Variants in GNAS observed in about 807,000 individuals in gnomAD.
GNAS encodes the protein protein ALEX.
In GNAS, 8 loss-of-function variants were observed where a neutral mutation model predicts 54.5. The observed-to-expected ratio is 0.15, with a 90% CI of 0.09 to 0.26. GNAS has a LOEUF of 0.26. Ranked by LOEUF, GNAS falls within the 10% of genes least tolerant of loss-of-function variation. GNAS has a pLI of 1.00. For synonymous variants in GNAS, 204 were observed against 191.4 expected (o/e 1.07, Z -0.54); for missense variants, 170 against 529.8 (o/e 0.32, Z 6.67).
At chr20:58,876,218 G>A (rs543802466) in intron 1 of GNAS, among the ~76,000 whole-genome samples, 4 of 152,262 alleles carry the variant, frequency 2.6e-5, no homozygotes, top group South Asian at 2.1e-4. Flanking sequence ...TCTGAGATGC[G>A]TGATCTTTAG....
intron 1 of GNAS, chr20:58,855,518 T>G (rs1018686511): frequency 1.8e-5 from 13 of 729,632 alleles, no homozygotes; most frequent in Non-Finnish European, 3.3e-5. Flanking sequence ...AGGGGATCTT[T>G]GGTGGATTCG....
At chr20:58,854,454 G>A (rs1466875685) in intron 1 of GNAS, 1 of 1,577,954 alleles carries the variant, frequency 6.3e-7, no homozygotes, top group African/African-American at 1.4e-5. Flanking sequence ...GGCAGCCCCT[G>A]CAGCCCCAGC....
At position 58,909,875 on chromosome 20, in the gene GNAS, A is replaced by AC. The variant is rs2146287362; in HGVS notation, c.840-72dup. On this transcript the variant is annotated intron_variant, in intron 10 of 12. Coordinates refer to ENST00000371085, the MANE Select transcript of GNAS (RefSeq NM_000516.7). This position sits in a 1 kb window ranked among gnomAD's most constrained non-coding sequence, Gnocchi z 7.3. ...TGGTCTGCACTGTTTATAGAGAAGA[A>AC]CCCCGTGCAAGCATTCCAGACCCCT... The AC allele has an allele frequency of 6.2e-7, 1 of 1,612,696 alleles. No individual in the cohort carries two copies. Among genetic ancestry groups the AC allele is most frequent in the African/African-American group, 1.3e-5 (1 of 74,980 alleles).
intron 3 of GNAS, among the ~76,000 whole-genome samples, chr20:58,902,724 A>C (rs1470948067): frequency 1.8e-4 from 11 of 62,176 alleles, no homozygotes; most frequent in East Asian, 8.3e-4. Flanking sequence ...CGCACATACG[A>C]CTTTTTTTTT....
intron 1 of GNAS, among the ~76,000 whole-genome samples, chr20:58,878,912 T>TGGGGGGGGGGGGGGGGGGGGG (rs11086659): frequency 1.6e-4 from 15 of 95,390 alleles, no homozygotes; most frequent in Non-Finnish European, 2.2e-4. Context: ...GGGGTGCGGG[T>TGGGGGGGGGGGGGGGGGGGGG]GGGGGGGGGA....
In GNAS at chr20:58,841,972, G is replaced by C. The variant is rs912118996; in HGVS notation, c.43+1086G>C. 1.0e-5 allele frequency: 11 copies of C among 1,073,868 alleles called. No homozygotes were observed. The highest frequency in any genetic ancestry group is 6.8e-4 in the Middle Eastern group (2 of 2,938). The allele number at this position is 1,073,868 out of a possible 1,614,324, so 66.5% of individuals were successfully genotyped here. A position where few individuals can be genotyped will look rare whatever the true frequency, so the allele number is the denominator to read the frequency against. On this transcript the variant is annotated intron_variant, in intron 1 of 12. Transcript: ENST00000306090. This position sits in a 1 kb window ranked among gnomAD's most constrained non-coding sequence, Gnocchi z 5.0. ...CAAAGAGCGCGGTACGCGCAGAGCT[G>C]GGGAAAGGTGTTGGATCCGGCGCCA...
At position 58,842,181 on chromosome 20, in the gene GNAS, A is replaced by G. The variant is rs1600663061; in HGVS notation, c.43+1295A>G. 4.8e-5 allele frequency: 19 copies of G among 398,560 alleles called. No homozygotes were observed. The East Asian group carries it at 6.8e-4, about 14-fold the overall frequency. The allele number at this position is 398,560 out of a possible 1,614,324, so 24.7% of individuals were successfully genotyped here. On this transcript the variant is annotated intron_variant, in intron 1 of 12. Coordinates refer to the GNAS transcript ENST00000306090. ...AAAAACGGCAGCAATCTGGTAACGC[A>G]CCTTCGGAAGGGAAGGCGTGCTCTC...
chr20:58,899,350 C>T (rs893733766), intron 3 of GNAS: 2 of 512,518 alleles, frequency 3.9e-6, no homozygotes, highest in Non-Finnish European at 7.3e-6. Context: ...TACTAAATTC[C>T]ATCTACCCAC....
upstream of GNAS, chr20:58,889,246 TG>T: frequency 8.7e-7 from 1 of 1,145,690 alleles, no homozygotes; most frequent in Non-Finnish European, 1.1e-6. Flanking sequence ...CCCTGCTCTC[TG>T]GCTCCGGGCT....
At chr20:58,851,034 G>C (rs1412428240) in intron 1 of GNAS, 2 of 397,782 alleles carry the variant, frequency 5.0e-6, no homozygotes, top group Non-Finnish European at 8.8e-6. Context: ...GTTGGTGTTG[G>C]GACCCAGTTG....
intron 1 of GNAS, 105 bp downstream of exon 1, chr20:58,891,970 AG>A: frequency 1.3e-6 from 1 of 748,722 alleles, no homozygotes; most frequent in Non-Finnish European, 1.6e-6. Context: ...CGCGCTCCCG[AG>A]CCCCCCGCCC....
intron 1 of GNAS, among the ~76,000 whole-genome samples, chr20:58,894,064 A>G (rs937703005): frequency 6.6e-6 from 1 of 152,248 alleles, no homozygotes; most frequent in Non-Finnish European, 1.5e-5. Flanking sequence ...ATGCCTCCCC[A>G]CAAAAGAGGA....
At chr20:58,898,096 G>GT (rs550450950) in intron 2 of GNAS, 9 of 152,132 alleles carry the variant, frequency 5.9e-5, no homozygotes, top group Non-Finnish European at 1.2e-4. Context: ...AACTAACTCT[G>GT]TTTCTTACAT....
rs751781371 is a variant in GNAS at position 58,891,895 on chromosome 20, G to A, written c.139+30G>A. ...GGGCGGGCGGGGGGCGCCGGCCCCG[G>A]CCCGGGGGCCCTCGAAGGGCGCCCC... is the stretch of plus-strand genomic sequence containing the variant. On this transcript the variant is annotated intron_variant, in intron 1 of 12. Coordinates refer to ENST00000371085, the MANE Select transcript of GNAS (RefSeq NM_000516.7). 10 of 1,060,670 alleles carry A rather than the reference G, an allele frequency of 9.4e-6. 1 individual carries two copies. In the Admixed American group the frequency reaches 3.4e-4, roughly 37 times the overall value. 65.7% of individuals were successfully genotyped at this position (1,060,670 alleles called of 1,614,324 possible).
intron 3 of GNAS, 92 bp from the exon 4 acceptor site, chr20:58,903,439 C>A: frequency 9.5e-7 from 1 of 1,049,332 alleles, no homozygotes; most frequent in East Asian, 2.4e-5. Flanking sequence ...GAACAGAATA[C>A]TATGCTTTTT....
chr20:58,896,094 C>T (rs935380838), intron 2 of GNAS, among the ~76,000 whole-genome samples: 15 of 152,152 alleles, frequency 9.9e-5, no homozygotes, highest in African/African-American at 3.4e-4. Flanking sequence ...TGCAAATTCA[C>T]CCCACCCCAC....
At chr20:58,854,558 C>A in intron 1 of GNAS, 2 of 1,565,680 alleles carry the variant, frequency 1.3e-6, no homozygotes, top group South Asian at 1.2e-5. Context: ...ATCCCGACTC[C>A]GGGGCAGCCC....
At chr20:58,843,311 C>T (rs961744158) in intron 1 of GNAS, 5 of 151,872 alleles carry the variant, frequency 3.3e-5, no homozygotes, top group Non-Finnish European at 7.4e-5. Context: ...AGAGCTATAC[C>T]AACCCCCGAG....
At chr20:58,840,727 G>A (rs1428938511), upstream of GNAS, 6 of 1,604,250 alleles carry the variant, frequency 3.7e-6, no homozygotes, top group African/African-American at 1.3e-5. This position sits in a 1 kb window ranked among gnomAD's most constrained non-coding sequence, Gnocchi z 6.0. Context: ...CCGAAGAGTC[G>A]AAGGAGCCCA....
Sources: allele counts gnomAD v4.1 joint callset (sites outside exome capture counted in the v4.1 genomes callset), GRCh38; gene constraint gnomAD v4.1.1; non-coding constraint Gnocchi (gnomAD v3.1); transcripts MANE v1.5; gene names NCBI Gene and HGNC (gene_info 2026-07-23, HGNC 2026-07-21).